The following AK5 variants were observed in gnomAD, a reference collection of about 807,000 sequenced individuals.
AK5 encodes the protein adenylate kinase isoenzyme 5.
Under a neutral mutation model 69.5 loss-of-function variants are expected in AK5, and 27 were observed. The observed-to-expected ratio is 0.39, with a 90% CI of 0.29 to 0.54. AK5 has a LOEUF of 0.54. Among genes scored for constraint, AK5 ranks in the 20% least tolerant of loss-of-function variants. The pLI, the probability that AK5 is intolerant of heterozygous loss-of-function variation, is 0.71. For missense variants in AK5, 531 were observed against 700.4 expected (o/e 0.76, Z 2.73); for synonymous variants, 260 against 244.4 (o/e 1.06, Z -0.60).
intron 2 of AK5, among the ~76,000 whole-genome samples, chr1:77,292,175 G>A (rs1443271774): frequency 6.6e-6 from 1 of 152,100 alleles, no homozygotes; most frequent in Non-Finnish European, 1.5e-5. Flanking sequence ...TGCAGAGAGA[G>A]GAAAAGAAAG....
chr1:77,458,307 C>T (rs1428662314), intron 8 of AK5, among the ~76,000 whole-genome samples: 2 of 152,052 alleles, frequency 1.3e-5, no homozygotes, highest in East Asian at 1.9e-4. Flanking sequence ...CTTGCTTTCT[C>T]GCACTGCTTC....
intron 8 of AK5, among the ~76,000 whole-genome samples, chr1:77,466,628 A>G (rs1244594434): frequency 6.6e-6 from 1 of 152,226 alleles, no homozygotes; most frequent in African/African-American, 2.4e-5. Context: ...GATTTATAAA[A>G]AACAAAAATT....
At position 77,432,087 on chromosome 1, in the gene AK5, A is replaced by G. The variant is rs369275688; in HGVS notation, c.1059+14372A>G. On this transcript the variant is annotated intron_variant, in intron 8 of 13. Coordinates refer to ENST00000354567, the MANE Select transcript of AK5 (RefSeq NM_174858.3). ...ATGGCCTTCCCAAGCACTGTTTTTC[A>G]GCTGTTTTTGGTTTTGTTTTTTTCT... Among the ~76,000 whole-genome samples, 13 of 152,196 alleles carry G rather than the reference A, an allele frequency of 8.5e-5. No individual in the cohort carries two copies. In the East Asian group the frequency reaches 1.5e-3, roughly 18 times the overall value.
intron 13 of AK5, among the ~76,000 whole-genome samples, chr1:77,557,698 G>C (rs1277496141): frequency 2.0e-5 from 3 of 152,020 alleles, no homozygotes; most frequent in East Asian, 1.9e-4. Context: ...AAATGCTGCA[G>C]AACACTCAGA....
At chr1:77,518,987 T>C (rs1014528543) in intron 11 of AK5, among the ~76,000 whole-genome samples, 19 of 152,128 alleles carry the variant, frequency 1.2e-4, no homozygotes, top group African/African-American at 4.6e-4. Flanking sequence ...TTCACATTTT[T>C]CCCCTAAATT....
rs76737121 is a variant in AK5, at chr1:77,473,688, A to G, written c.1060-9629A>G. ...TTATATTCATCATTTACAAATCTTT[A>G]CTTAGCATGTCTCTGTTAGTCATTT... On this transcript the variant is annotated intron_variant, in intron 8 of 13. Coordinates refer to ENST00000354567, the MANE Select transcript of AK5 (RefSeq NM_174858.3). 2.6e-4 allele frequency among the ~76,000 whole-genome samples: 39 copies of G among 152,332 alleles called. No individual in the cohort carries two copies. The East Asian group carries it at 7.3e-3, about 29-fold the overall frequency.
chr1:77,346,820 A>G (rs1661941526), intron 6 of AK5, among the ~76,000 whole-genome samples: 1 of 152,212 alleles, frequency 6.6e-6, no homozygotes, highest in Non-Finnish European at 1.5e-5. Context: ...ACTAAACAGC[A>G]TGAACACTTA....
At chr1:77,405,376 C>T (rs1043981083) in intron 6 of AK5, among the ~76,000 whole-genome samples, 1 of 152,218 alleles carries the variant, frequency 6.6e-6, no homozygotes, top group African/African-American at 2.4e-5. Context: ...TCCCATGGCT[C>T]ACTTGGCCTC....
chr1:77,512,860 TG>T (rs1657429429), intron 10 of AK5, among the ~76,000 whole-genome samples: 1 of 152,164 alleles, frequency 6.6e-6, no homozygotes, highest in South Asian at 2.1e-4. Context: ...TCATGTCCTT[TG>T]TAGGGATATG....
chr1:77,367,705 A>ATATACGT, intron 6 of AK5, among the ~76,000 whole-genome samples: 1 of 85,328 alleles, frequency 1.2e-5, no homozygotes, highest in Admixed American at 1.7e-4. Context: ...TATATGTTAT[A>ATATACGT]TATATGTTAT....
intron 8 of AK5, among the ~76,000 whole-genome samples, chr1:77,475,457 A>T (rs375880649): frequency 0.26 from 1,284 of 4,940 alleles, 83 homozygotes; most frequent in African/African-American, 0.38. Flanking sequence ...TATATATACA[A>T]ATATATATTA....
intron 6 of AK5, among the ~76,000 whole-genome samples, chr1:77,343,526 G>A (rs545687385): frequency 6.6e-6 from 1 of 152,280 alleles, no homozygotes; most frequent in East Asian, 1.9e-4. Flanking sequence ...GTAGATGATA[G>A]TAATGCAGAG....
intron 12 of AK5, among the ~76,000 whole-genome samples, chr1:77,529,486 A>C (rs1169081283): frequency 6.6e-6 from 1 of 152,050 alleles, no homozygotes; most frequent in Non-Finnish European, 1.5e-5. Flanking sequence ...CACCACGTCC[A>C]GCTAATTTTT....
intron 8 of AK5, among the ~76,000 whole-genome samples, chr1:77,454,806 T>C (rs1351355539): frequency 6.7e-6 from 1 of 149,636 alleles, no homozygotes; most frequent in Non-Finnish European, 1.5e-5. Flanking sequence ...TTTAAATGGA[T>C]ATGTTCTCTC....
chr1:77,460,014 G>A (rs1414085887), intron 8 of AK5, among the ~76,000 whole-genome samples: 1 of 152,144 alleles, frequency 6.6e-6, no homozygotes, highest in Non-Finnish European at 1.5e-5. Flanking sequence ...TGGTCTTAAT[G>A]AGCAGAACAA....
At chr1:77,468,607 G>A (rs1654287871) in intron 8 of AK5, among the ~76,000 whole-genome samples, 1 of 152,156 alleles carries the variant, frequency 6.6e-6, no homozygotes. Context: ...TTCTGCTTTT[G>A]GCAGTTTTCT....
At chr1:77,394,192 G>T (rs1191490415) in intron 6 of AK5, among the ~76,000 whole-genome samples, 2 of 150,576 alleles carry the variant, frequency 1.3e-5, no homozygotes, top group Non-Finnish European at 2.9e-5. Flanking sequence ...TCCAACCTGG[G>T]TGACAGAGCG....
At chr1:77,411,125 C>T in intron 7 of AK5, 54 bp downstream of exon 7, 1 of 1,475,478 alleles carries the variant, frequency 6.8e-7, no homozygotes, top group South Asian at 1.2e-5. Flanking sequence ...TGCCAAATGT[C>T]TGGGGCTTTG....
At position 77,367,758 on chromosome 1, in the gene AK5, TATATA is replaced by T. The variant is rs1422899254; in HGVS notation, c.891+27196_891+27200del. Among the ~76,000 whole-genome samples the T allele has an allele frequency of 5.1e-4, 28 of 54,526 alleles. 2 individuals are homozygous for T. The highest frequency in any genetic ancestry group is 1.8e-3 in the African/African-American group (23 of 12,938). The allele number at this position is 54,526 out of a possible 152,430, so 35.8% of individuals were successfully genotyped here. On this transcript the variant is annotated intron_variant, in intron 6 of 13. Transcript: ENST00000354567. Reference sequence around the variant, plus strand: ...TATACGTTATATGTTATATATGTTATATATAATATATGTTATATATAATATATGTT... The same window carrying T: ...TATACGTTATATGTTATATATGTTATATATATGTTATATATAATATATGTT...
Sources: allele counts gnomAD v4.1 joint callset (sites outside exome capture counted in the v4.1 genomes callset), GRCh38; gene constraint gnomAD v4.1.1; transcripts MANE v1.5; gene names NCBI Gene and HGNC (gene_info 2026-07-23, HGNC 2026-07-21).